FAM13A: variants seen among roughly 807,000 people sequenced by gnomAD.
The protein encoded by FAM13A is protein FAM13A.
Under a neutral mutation model 129.6 loss-of-function variants are expected in FAM13A, and 76 were observed. The ratio of observed to expected loss-of-function variants is 0.59; its 90% CI spans 0.49 to 0.71. The LOEUF is 0.71. Among genes scored for constraint, FAM13A ranks in the 30% least tolerant of loss-of-function variants. The pLI is 0.00. For synonymous variants in FAM13A, 443 were observed against 449.9 expected, an observed-to-expected ratio of 0.98 and a Z score of 0.20; for missense variants, 1,108 against 1,249.3, an observed-to-expected ratio of 0.89 and a Z score of 1.70.
chr4:88,933,313 A>C (rs1479174088), intron 5 of FAM13A, among the ~76,000 whole-genome samples: 1 of 152,152 alleles, frequency 6.6e-6, no homozygotes, highest in East Asian at 1.9e-4. Flanking sequence ...CATAACTCTT[A>C]TACACAAACT....
chr4:89,008,767 T>C lies in FAM13A; in HGVS notation c.427+11693A>G, dbSNP rs192762982. Among the ~76,000 whole-genome samples the C allele has an allele frequency of 4.6e-5, 7 of 152,290 alleles. No individual in the cohort carries two copies. In the East Asian group the frequency reaches 1.3e-3, roughly 29 times the overall value. ...ACAAGTAAAGCACCTAGGCAAAATC[T>C]TGACCCAAAACAGGCACTTAAATTG... On this transcript the variant is annotated intron_variant, in intron 3 of 23. Transcript: ENST00000264344.
At chr4:88,841,115 G>C (rs1342154830) in intron 7 of FAM13A, among the ~76,000 whole-genome samples, 1 of 152,070 alleles carries the variant, frequency 6.6e-6, no homozygotes, top group Non-Finnish European at 1.5e-5. Flanking sequence ...CAGTTTATTA[G>C]ATGTGTCATC....
intron 1 of FAM13A, among the ~76,000 whole-genome samples, chr4:89,034,437 G>T (rs1360061263): frequency 1.3e-5 from 2 of 152,122 alleles, no homozygotes; most frequent in Non-Finnish European, 2.9e-5. Flanking sequence ...ATGTTGTCAG[G>T]GTTGCAGAGA....
chr4:88,955,644 A>G (rs1757635476), intron 4 of FAM13A, among the ~76,000 whole-genome samples: 1 of 152,214 alleles, frequency 6.6e-6, no homozygotes, highest in Admixed American at 6.5e-5. Context: ...GGCTTTGACC[A>G]AAATGCTGAT....
At chr4:88,839,457 G>T (rs1280987407) in intron 7 of FAM13A, among the ~76,000 whole-genome samples, 1 of 152,212 alleles carries the variant, frequency 6.6e-6, no homozygotes, top group Non-Finnish European at 1.5e-5. Context: ...ACAATCTCAT[G>T]GAATAGACAG....
At chr4:88,793,813 A>G (rs1239817270) in intron 8 of FAM13A, among the ~76,000 whole-genome samples, 1 of 152,048 alleles carries the variant, frequency 6.6e-6, no homozygotes, top group East Asian at 1.9e-4. Flanking sequence ...ATAGTATCAG[A>G]TACATTTATG....
At chr4:88,929,547 G>T (rs1288239886) in intron 5 of FAM13A, among the ~76,000 whole-genome samples, 5 of 151,590 alleles carry the variant, frequency 3.3e-5, no homozygotes, top group African/African-American at 9.7e-5. Context: ...GTCACTTTTT[G>T]TAGTTCCATA....
At chr4:88,865,878 CTTTTTTTTTTTTTTT>C (rs34865210) in intron 6 of FAM13A, among the ~76,000 whole-genome samples, 2 of 83,196 alleles carry the variant, frequency 2.4e-5, no homozygotes, top group Non-Finnish European at 4.3e-5. Context: ...TTGTCTCTCT[CTTTTTTTTTTTTTTT>C]TTTTTTTTTT....
intron 7 of FAM13A, among the ~76,000 whole-genome samples, chr4:88,807,865 G>C (rs1467916083): frequency 6.6e-6 from 1 of 152,132 alleles, no homozygotes; most frequent in Non-Finnish European, 1.5e-5. Context: ...TTTGCACAAA[G>C]TAAATTCATC....
At chr4:88,847,662 C>T (rs1227321811) in intron 7 of FAM13A, among the ~76,000 whole-genome samples, 1 of 151,840 alleles carries the variant, frequency 6.6e-6, no homozygotes, top group African/African-American at 2.4e-5. Context: ...AGGCCGGGTG[C>T]AGTGGCTCAC....
intron 6 of FAM13A, among the ~76,000 whole-genome samples, chr4:88,869,474 C>T (rs1247001885): frequency 2.0e-5 from 3 of 152,260 alleles, no homozygotes; most frequent in East Asian, 1.9e-4. Context: ...GTGACAATAT[C>T]GGAAATGTGC....
intron 4 of FAM13A, among the ~76,000 whole-genome samples, chr4:88,945,990 G>GTGTGTGTGTGTGTATATATATATATA: frequency 9.1e-4 from 56 of 61,836 alleles, no homozygotes; most frequent in Non-Finnish European, 1.2e-3. Flanking sequence ...GTGTGTGTGT[G>GTGTGTGTGTGTGTATATATATATATA]TATATATATA....
At chr4:88,932,447 C>T (rs1458562) in intron 5 of FAM13A, among the ~76,000 whole-genome samples, 85,475 of 152,022 alleles carry the variant, frequency 0.56, 24,153 homozygotes, top group Admixed American at 0.59. Flanking sequence ...ACTGTAAGGT[C>T]CCCCAAGGAC....
chr4:88,940,253 G>C (rs1038306671), intron 4 of FAM13A, among the ~76,000 whole-genome samples: 1 of 152,150 alleles, frequency 6.6e-6, no homozygotes, highest in Non-Finnish European at 1.5e-5. Flanking sequence ...CTGACCCCTG[G>C]ACCTTAAGGA....
At chr4:88,732,502 T>C (rs1738052839) in intron 21 of FAM13A, 1 of 218,732 alleles carries the variant, frequency 4.6e-6, no homozygotes, top group South Asian at 1.7e-4. Flanking sequence ...ACCATCATAA[T>C]TTATAACCTA....
chr4:88,874,184 T>C (rs2150091677), intron 6 of FAM13A, among the ~76,000 whole-genome samples: 1 of 152,292 alleles, frequency 6.6e-6, no homozygotes, highest in East Asian at 1.9e-4. Flanking sequence ...GCCAATATCA[T>C]ACTGAATGGG....
chr4:88,762,291 C>T (rs1744963648), intron 13 of FAM13A, among the ~76,000 whole-genome samples: 1 of 152,196 alleles, frequency 6.6e-6, no homozygotes, highest in Non-Finnish European at 1.5e-5. Flanking sequence ...TCATTCACAT[C>T]ATAGACCTGT....
At chr4:88,989,033 C>T (rs559311948) in intron 4 of FAM13A, among the ~76,000 whole-genome samples, 19 of 151,878 alleles carry the variant, frequency 1.3e-4, no homozygotes, top group South Asian at 2.1e-4. Flanking sequence ...CATGGTGAAA[C>T]CCCGTCTCTA....
At chr4:89,007,143 G>A (rs1372626307) in intron 3 of FAM13A, among the ~76,000 whole-genome samples, 1 of 152,152 alleles carries the variant, frequency 6.6e-6, no homozygotes, top group Non-Finnish European at 1.5e-5. Flanking sequence ...GGGAAACTAA[G>A]TGTGGTGATT....
Sources: allele counts gnomAD v4.1 joint callset (sites outside exome capture counted in the v4.1 genomes callset), GRCh38; gene constraint gnomAD v4.1.1; transcripts MANE v1.5; gene names NCBI Gene and HGNC (gene_info 2026-07-23, HGNC 2026-07-21).